Variants in ZNF18 observed in about 807,000 individuals in gnomAD.
ZNF18 encodes zinc finger protein 18.
In ZNF18, 42 loss-of-function variants were observed where a neutral mutation model predicts 58.1. The ratio of observed to expected loss-of-function variants is 0.72; its 90% confidence interval spans 0.56 to 0.93. ZNF18 has a LOEUF of 0.93. ZNF18 is among the 40% of genes least tolerant of loss of function. The pLI is 0.00. For missense variants in ZNF18, 540 were observed against 644.2 expected, an observed-to-expected ratio of 0.84 and a Z score of 1.75; for synonymous variants, 231 against 239.8, an observed-to-expected ratio of 0.96 and a Z score of 0.34.
the ZNF18 span, among the ~76,000 whole-genome samples, chr17:12,006,759 A>C: frequency 6.6e-6 from 1 of 152,156 alleles, no homozygotes; most frequent in Admixed American, 6.5e-5. Context: ...AACTGAGCAA[A>C]AATATTACCA....
intron 4 of ZNF18, 43 bp downstream of exon 4, chr17:11,990,419 A>C (rs1188628208): frequency 1.9e-6 from 3 of 1,543,196 alleles, no homozygotes; most frequent in Non-Finnish European, 2.7e-6. Context: ...AGATTATAAA[A>C]GGTAAAAAGT....
At chr17:11,978,840 CTTTTTT>C (rs56969015) in intron 6 of ZNF18, 96 bp from the exon 7 acceptor site, 61 of 120,532 alleles carry the variant, frequency 5.1e-4, no homozygotes, top group Middle Eastern at 4.4e-3. Context: ...CATTCATTTT[CTTTTTT>C]TTTTTTTTTT....
At chr17:12,005,147 T>G in the ZNF18 span, among the ~76,000 whole-genome samples, 53 of 150,354 alleles carry the variant, frequency 3.5e-4, no homozygotes, top group Admixed American at 3.5e-3. Flanking sequence ...GACTCAGAAG[T>G]TATATATATA....
upstream of ZNF18, chr17:12,002,356 T>C (rs7214588): frequency 0.99 from 150,332 of 152,212 alleles, 74,253 homozygotes; most frequent in East Asian, 1. Flanking sequence ...GCTGAGATCG[T>C]GTCATTGCAT....
upstream of ZNF18, among the ~76,000 whole-genome samples, chr17:12,001,782 G>T (rs982999179): frequency 6.6e-6 from 1 of 151,776 alleles, no homozygotes; most frequent in African/African-American, 2.4e-5. Context: ...ATGTCAAAAC[G>T]TCACATTATA....
the ZNF18 span, among the ~76,000 whole-genome samples, chr17:12,018,789 A>G: frequency 1.3e-5 from 2 of 152,176 alleles, no homozygotes; most frequent in Non-Finnish European, 2.9e-5. Flanking sequence ...TACCAACAGC[A>G]ATGCAAGTAT....
intron 4 of ZNF18, among the ~76,000 whole-genome samples, chr17:11,985,118 C>T (rs1967651883): frequency 6.6e-6 from 1 of 152,176 alleles, no homozygotes. Flanking sequence ...AATTAGTTTT[C>T]TTTCCAGATA....
chr17:12,011,981 G>T, the ZNF18 span, among the ~76,000 whole-genome samples: 1 of 152,142 alleles, frequency 6.6e-6, no homozygotes, highest in Non-Finnish European at 1.5e-5. Flanking sequence ...TTACAAGTGT[G>T]AGCCACTGCG....
chr17:12,021,183 G>A, the ZNF18 span: 5 of 352,604 alleles, frequency 1.4e-5, no homozygotes, highest in South Asian at 1.5e-4. Context: ...GCTTGGATCC[G>A]GGCTCCGGCC....
intron 1 of ZNF18, among the ~76,000 whole-genome samples, chr17:11,994,973 GAGA>G (rs1249964742): frequency 2.0e-5 from 3 of 152,246 alleles, no homozygotes; most frequent in Admixed American, 6.5e-5. Context: ...CAAGGAACAG[GAGA>G]AGGAGAAGGA....
intron 2 of ZNF18, among the ~76,000 whole-genome samples, chr17:11,991,490 A>G (rs1292210238): frequency 6.6e-6 from 1 of 152,300 alleles, no homozygotes; most frequent in Middle Eastern, 3.4e-3. Context: ...GCGCTGGGAG[A>G]CTTTACCCTC....
the ZNF18 span, among the ~76,000 whole-genome samples, chr17:12,004,887 C>CAAAAAAAAAAAAAAAAAAAAAAAAAAAA: frequency 1.8e-5 from 1 of 56,210 alleles, no homozygotes; most frequent in Non-Finnish European, 3.9e-5. Context: ...AACTCCATCT[C>CAAAAAAAAAAAAAAAAAAAAAAAAAAAA]AAAAAAAAAA....
chr17:11,985,990 T>C (rs746745907), intron 4 of ZNF18, among the ~76,000 whole-genome samples: 1 of 152,236 alleles, frequency 6.6e-6, no homozygotes, highest in Non-Finnish European at 1.5e-5. Flanking sequence ...TTTGGCTCTG[T>C]GTCCCCACCC....
At chr17:11,987,000 C>A (rs1306876245) in intron 4 of ZNF18, among the ~76,000 whole-genome samples, 1 of 152,176 alleles carries the variant, frequency 6.6e-6, no homozygotes, top group African/African-American at 2.4e-5. Context: ...CTGGGTACTT[C>A]GAATAAAACC....
At chr17:11,980,762 C>T (rs1008472701) in intron 6 of ZNF18, among the ~76,000 whole-genome samples, 1 of 152,130 alleles carries the variant, frequency 6.6e-6, no homozygotes, top group Non-Finnish European at 1.5e-5. Flanking sequence ...CTTTTCTAGG[C>T]TCCCTTTTCT....
chr17:11,987,356 T>C (rs1476107352), intron 4 of ZNF18, among the ~76,000 whole-genome samples: 1 of 152,232 alleles, frequency 6.6e-6, no homozygotes, highest in Non-Finnish European at 1.5e-5. Context: ...GCATTATTTA[T>C]GAAGTTCCTC....
chr17:11,978,440 C>T lies in ZNF18; in HGVS notation c.1167G>A (p.Glu389=). 6.4e-7 allele frequency: 1 copy of T among 1,558,534 alleles called. No homozygotes were observed. Among genetic ancestry groups the T allele is most frequent in the South Asian group, 1.3e-5 (1 of 79,902 alleles). Residue 389 remains glutamate (E), a synonymous_variant, in exon 7 of 7, where the codon GAG becomes GAA. Transcript: ENST00000580306. The part of the protein sequence containing the change: ...SGEMSTMWLE[E]KRETSQKGQP... ...GCCCCTTCTGGGAGGTCTCTCTCTTCTCCTCAAGCCACATGGTGGACATTT... is the reference window on the plus strand; with the variant it reads ...GCCCCTTCTGGGAGGTCTCTCTCTTTTCCTCAAGCCACATGGTGGACATTT...
chr17:11,991,249 T>A, intron 2 of ZNF18, 86 bp from the exon 3 acceptor site: 1 of 1,168,590 alleles, frequency 8.6e-7, no homozygotes, highest in Non-Finnish European at 1.2e-6. Flanking sequence ...CTACAACAGA[T>A]CATAAGACAA....
At chr17:12,020,911 G>C in the ZNF18 span, 54 of 1,215,594 alleles carry the variant, frequency 4.4e-5, 1 homozygote, top group Non-Finnish European at 5.5e-5. Flanking sequence ...CCCGAGCGGC[G>C]GCGGCGGCTC....
Sources: allele counts gnomAD v4.1 joint callset (sites outside exome capture counted in the v4.1 genomes callset), GRCh38; gene constraint gnomAD v4.1.1; transcripts MANE v1.5; gene names NCBI Gene and HGNC (gene_info 2026-07-23, HGNC 2026-07-21).